Variants in CMYA5 observed in about 807,000 individuals in gnomAD.
CMYA5 encodes the protein cardiomyopathy associated 5.
A neutral mutation model predicts 318.9 loss-of-function variants in CMYA5; 246 were observed. The ratio of observed to expected loss-of-function variants is 0.77; its 90% confidence interval spans 0.70 to 0.86. The LOEUF (loss-of-function observed/expected upper bound fraction) is 0.86. Ranked by LOEUF, CMYA5 falls within the 40% of genes least tolerant of loss-of-function variation. The pLI is 0.00. For synonymous variants in CMYA5, 1,641 were observed against 1,729.5 expected (o/e 0.95, Z 1.27); for missense variants, 4,589 against 4,678.2 (o/e 0.98, Z 0.56).
At chr5:79,748,303 A>G (rs73125646) in intron 5 of CMYA5, among the ~76,000 whole-genome samples, 9,630 of 152,108 alleles carry the variant, frequency 0.063, 668 homozygotes, top group African/African-American at 0.17. Flanking sequence ...CGTCCCAGTA[A>G]TTCCCCACAC....
chr5:79,715,577 G>A (rs956543437), intron 1 of CMYA5, among the ~76,000 whole-genome samples: 7 of 152,158 alleles, frequency 4.6e-5, no homozygotes, highest in Admixed American at 6.5e-5. Flanking sequence ...GTGAGCCACC[G>A]TGCCCAGCCA....
rs759322544 is a variant in CMYA5 at position 79,731,633 on chromosome 5, A to T, written c.2868A>T (p.Ser956=). 3 of 1,613,700 alleles carry T rather than the reference A, an allele frequency of 1.9e-6. No individual in the cohort carries two copies. The highest frequency in any genetic ancestry group is 2.5e-6 in the Non-Finnish European group (3 of 1,179,668). Residue 956 remains serine (S), a synonymous_variant, in exon 2 of 13, where the codon TCA becomes TCT. Transcript: ENST00000446378. ...ATTCTGCATTTGTGTCAGAATTCTC[A>T]TTTCCACCGTATGCAACCCAGGAAG... is the stretch of plus-strand genomic sequence containing the variant. The part of the protein sequence containing the change: ...SPDSAFVSEF[S]FPPYATQEAE...
Position 79,690,071 on chromosome 5 carries a change from T to G in CMYA5, c.149+15T>G, listed in dbSNP as rs1242778189. On this transcript the variant is annotated intron_variant, in intron 1 of 12. Transcript: ENST00000446378. ...CCGGACTCCAGGTAGCGCGAGCCTCTCTCCTCGGCCCAGGGCCTGCAGGGC... is the reference window on the plus strand; with the variant it reads ...CCGGACTCCAGGTAGCGCGAGCCTCGCTCCTCGGCCCAGGGCCTGCAGGGC... 2.1e-6 allele frequency: 3 copies of G among 1,423,948 alleles called. No individual in the cohort carries two copies. Among genetic ancestry groups the G allele is most frequent in the Non-Finnish European group, 2.8e-6 (3 of 1,085,692 alleles). The allele number at this position is 1,423,948 out of a possible 1,614,324, so 88.2% of individuals were successfully genotyped here.
At chr5:79,693,285 T>C (rs62365247) in intron 1 of CMYA5, among the ~76,000 whole-genome samples, 2,759 of 152,204 alleles carry the variant, frequency 0.018, 39 homozygotes, top group Non-Finnish European at 0.026. Context: ...TCTCAACCGA[T>C]CTGATTTTAG....
intron 5 of CMYA5, among the ~76,000 whole-genome samples, chr5:79,750,524 T>C (rs1385737294): frequency 7.2e-6 from 1 of 138,534 alleles, no homozygotes; most frequent in South Asian, 2.2e-4. Flanking sequence ...CAAGAGTCAG[T>C]TGTGGTTTAT....
At chr5:79,742,130 T>TCCTCCCCTTCTTCCTCCC (rs1828227389) in intron 2 of CMYA5, among the ~76,000 whole-genome samples, 1 of 147,002 alleles carries the variant, frequency 6.8e-6, no homozygotes, top group Non-Finnish European at 1.5e-5. Context: ...TTCTTCCTCC[T>TCCTCCCCTTCTTCCTCCC]CCTCCCCTTC....
intron 1 of CMYA5, among the ~76,000 whole-genome samples, chr5:79,690,691 G>C (rs549974999): frequency 6.6e-6 from 1 of 152,088 alleles, no homozygotes; most frequent in Non-Finnish European, 1.5e-5. Context: ...CCTTTAAGAA[G>C]GCCCTAAAAT....
At chr5:79,763,003 CA>C (rs1248970412) in intron 8 of CMYA5, 58 bp from the exon 9 acceptor site, 2 of 1,553,108 alleles carry the variant, frequency 1.3e-6, no homozygotes, top group Non-Finnish European at 1.8e-6. Context: ...ACGTGCTTCT[CA>C]GGTCCCAGGA....
chr5:79,695,256 C>CATTA (rs1451269393), intron 1 of CMYA5, among the ~76,000 whole-genome samples: 9 of 152,114 alleles, frequency 5.9e-5, no homozygotes, highest in Non-Finnish European at 1.3e-4. Context: ...TTTAGCCCAG[C>CATTA]ATTATCCTAT....
rs1253921507 is a variant in CMYA5, at chr5:79,738,228, A to T, written c.9463A>T (p.Met3155Leu). 6.2e-7 allele frequency: 1 copy of T among 1,613,752 alleles called. No homozygotes were observed. The highest frequency in any genetic ancestry group is 1.7e-5 in the Admixed American group (1 of 59,976). ...KRDVDSKSPGMPLFEAEEGVL... is the reference protein window; with the variant it reads ...KRDVDSKSPGLPLFEAEEGVL... ...AGATGTGGACTCAAAGTCACCGGGG[A>T]TGCCTTTATTTGAAGCAGAGGAAGG... The change falls in exon 2 of 13, where the codon ATG (methionine) becomes TTG (leucine). Residue 3155 changes from methionine to leucine, a missense_variant. This residue lies in a region of CMYA5 where 2,431 missense variants were observed against 2,495.1 expected (regional missense o/e 0.97). Coordinates refer to ENST00000446378, the MANE Select transcript of CMYA5 (RefSeq NM_153610.5).
intron 1 of CMYA5, among the ~76,000 whole-genome samples, chr5:79,719,799 G>C (rs1243737799): frequency 5.9e-5 from 9 of 152,154 alleles, no homozygotes; most frequent in Non-Finnish European, 1.2e-4. Flanking sequence ...GAAGGGAAGG[G>C]CTTATGTAGA....
chr5:79,690,752 C>T (rs1185900528), intron 1 of CMYA5, among the ~76,000 whole-genome samples: 1 of 152,176 alleles, frequency 6.6e-6, no homozygotes, highest in Non-Finnish European at 1.5e-5. Flanking sequence ...TCTACCTTCA[C>T]TTGTTTTCCT....
In CMYA5 at chr5:79,733,236, G is replaced by A. The variant is rs1827961526; in HGVS notation, c.4471G>A (p.Val1491Ile). The change falls in exon 2 of 13, where the codon GTA (valine) becomes ATA (isoleucine). Residue 1491 changes from valine (V) to isoleucine (I), a missense_variant. Coordinates refer to ENST00000446378, the MANE Select transcript of CMYA5 (RefSeq NM_153610.5). ...TTCAGATAAATCTGAGGAAGCAAGG[G>A]TAGAAGACAAACAAGATCTTTTATT... ...QHSDKSEEAR[V>I]EDKQDLLFST... is the part of the protein sequence containing the mutation. 1.2e-6 allele frequency: 2 copies of A among 1,613,698 alleles called. No homozygotes were observed. The highest frequency in any genetic ancestry group is 1.7e-4 in the Middle Eastern group (1 of 6,058).
At chr5:79,767,652 A>C (rs1282671615) in intron 9 of CMYA5, among the ~76,000 whole-genome samples, 1 of 152,220 alleles carries the variant, frequency 6.6e-6, no homozygotes, top group Non-Finnish European at 1.5e-5. Context: ...ATTTGAATGC[A>C]CTGTGGTCTG....
Position 79,778,747 on chromosome 5 carries a change from A to C in CMYA5, c.11556-10224A>C, listed in dbSNP as rs201390590. Reference sequence around the variant, plus strand: ...TTGGATTTATCAATCTCTTTTGAAAATAGCTTTTAACTTGGGTAGCATATT... The same window carrying C: ...TTGGATTTATCAATCTCTTTTGAAACTAGCTTTTAACTTGGGTAGCATATT... On this transcript the variant is annotated intron_variant, in intron 9 of 12. Coordinates refer to ENST00000446378, the MANE Select transcript of CMYA5 (RefSeq NM_153610.5). 1.3e-4 allele frequency among the ~76,000 whole-genome samples: 19 copies of C among 150,010 alleles called. No homozygotes were observed. The East Asian group carries it at 3.2e-3, about 25-fold the overall frequency.
chr5:79,720,588 C>T (rs1041775452), intron 1 of CMYA5, among the ~76,000 whole-genome samples: 2 of 151,992 alleles, frequency 1.3e-5, no homozygotes, highest in Non-Finnish European at 2.9e-5. Flanking sequence ...AGGCATGCAC[C>T]ACCATGCCCA....
At chr5:79,700,819 T>G (rs913645333) in intron 1 of CMYA5, among the ~76,000 whole-genome samples, 2 of 152,056 alleles carry the variant, frequency 1.3e-5, no homozygotes, top group African/African-American at 4.8e-5. Flanking sequence ...GATAGACAAA[T>G]ATCACATGTT....
At chr5:79,745,092 A>G (rs774688390) in intron 3 of CMYA5, 130 bp from the exon 4 acceptor site, 4 of 634,974 alleles carry the variant, frequency 6.3e-6, no homozygotes, top group Non-Finnish European at 1.1e-5. Flanking sequence ...TGAACTGTGC[A>G]TGTGATGTCT....
rs994983522 is a variant in CMYA5 at position 79,734,899 on chromosome 5, A to C, written c.6134A>C (p.Glu2045Ala). 6 of 1,613,712 alleles carry C rather than the reference A, an allele frequency of 3.7e-6. No homozygotes were observed. The highest frequency in any genetic ancestry group is 4.2e-6 in the Non-Finnish European group (5 of 1,179,796). Residue 2045 changes from glutamate (E) to alanine (A), a missense_variant, in exon 2 of 13, where the codon GAA becomes GCA. This residue lies in a region of CMYA5 where 2,431 missense variants were observed against 2,495.1 expected (regional missense o/e 0.97). Transcript: ENST00000446378. The part of the protein sequence containing the change: ...DSQEKIKLPP[E>A]RFFQKPVSGL... ...CAGGAAAAAATTAAACTACCTCCTGAAAGATTCTTCCAGAAACCAGTGTCT... is the reference window on the plus strand; with the variant it reads ...CAGGAAAAAATTAAACTACCTCCTGCAAGATTCTTCCAGAAACCAGTGTCT...
Sources: allele counts gnomAD v4.1 joint callset (sites outside exome capture counted in the v4.1 genomes callset), GRCh38; gene constraint gnomAD v4.1.1; regional missense constraint gnomAD v4.1.1; transcripts MANE v1.5; gene names NCBI Gene and HGNC (gene_info 2026-07-23, HGNC 2026-07-21).